The following NMNAT1 variants were observed in gnomAD, a reference collection of about 807,000 sequenced individuals.
NMNAT1 encodes the protein nicotinamide/nicotinic acid mononucleotide adenylyltransferase 1.
Under a neutral mutation model 16.7 loss-of-function variants are expected in NMNAT1, and 11 were observed. The ratio of observed to expected loss-of-function variants is 0.66; its 90% CI spans 0.41 to 1.09. NMNAT1 has a LOEUF of 1.09. Ranked by LOEUF, NMNAT1 falls within the 50% of genes least tolerant of loss-of-function variation. The probability of loss-of-function intolerance (pLI) is 0.00; values close to 1 mark genes in which losing one functional copy is unlikely to be tolerated. For synonymous variants in NMNAT1, 110 were observed against 119.8 expected (o/e 0.92, Z 0.53); for missense variants, 280 against 332.3 (o/e 0.84, Z 1.22).
chr1:9,966,691 C>T (rs888420886), intron 1 of NMNAT1, among the ~76,000 whole-genome samples: 3 of 151,890 alleles, frequency 2.0e-5, no homozygotes, highest in Admixed American at 6.6e-5. Context: ...ATTTTTTTAA[C>T]TTGTTGAAAA....
chr1:9,972,344 A>G, intron 2 of NMNAT1, 156 bp downstream of exon 2: 1 of 548,766 alleles, frequency 1.8e-6, no homozygotes, highest in South Asian at 2.1e-5. Context: ...CCCTGTCTCT[A>G]CTAAAAAATA....
chr1:9,988,644 CA>C (rs1426036939), downstream of NMNAT1, among the ~76,000 whole-genome samples: 1 of 129,640 alleles, frequency 7.7e-6, no homozygotes, highest in Non-Finnish European at 1.5e-5. Flanking sequence ...GCAGAGGTTA[CA>C]GTGAGCCAAG....
At chr1:9,965,490 G>C (rs938388840) in intron 1 of NMNAT1, among the ~76,000 whole-genome samples, 68 of 151,708 alleles carry the variant, frequency 4.5e-4, no homozygotes, top group Non-Finnish European at 3.1e-4. Flanking sequence ...TGCAACCCCT[G>C]CCTGCCAGGT....
the NMNAT1 span, among the ~76,000 whole-genome samples, chr1:9,996,838 C>A: frequency 2.0e-5 from 3 of 152,304 alleles, no homozygotes; most frequent in East Asian, 5.8e-4. Flanking sequence ...CCAGCAATCA[C>A]TTCTCTCAGG....
the NMNAT1 span, among the ~76,000 whole-genome samples, chr1:9,990,518 G>T: frequency 1.1e-4 from 16 of 152,278 alleles, no homozygotes; most frequent in African/African-American, 3.8e-4. Context: ...CTGATCACTG[G>T]CTAAGCTAAT....
At chr1:9,963,593 TA>T (rs1641475168) in intron 1 of NMNAT1, among the ~76,000 whole-genome samples, 1 of 151,844 alleles carries the variant, frequency 6.6e-6, no homozygotes, top group Non-Finnish European at 1.5e-5. Context: ...TATTTTTTAG[TA>T]GAGACGGTTT....
At chr1:9,954,670 T>C (rs906015631) in intron 1 of NMNAT1, among the ~76,000 whole-genome samples, 1 of 152,062 alleles carries the variant, frequency 6.6e-6, no homozygotes, top group East Asian at 1.9e-4. Flanking sequence ...TGGTGGCTCA[T>C]GCCTGTAATT....
At chr1:9,987,748 G>A (rs1041672992), downstream of NMNAT1, among the ~76,000 whole-genome samples, 1 of 151,968 alleles carries the variant, frequency 6.6e-6, no homozygotes, top group Admixed American at 6.6e-5. Flanking sequence ...AAGATTGCTT[G>A]AGCCTGGGAT....
chr1:9,953,959 T>C (rs926371139), intron 1 of NMNAT1, among the ~76,000 whole-genome samples: 1 of 150,578 alleles, frequency 6.6e-6, no homozygotes, highest in South Asian at 2.1e-4. Flanking sequence ...GCACGTGCCA[T>C]CATGCCCAGC....
chr1:9,965,518 C>T (rs1011496998), intron 1 of NMNAT1, among the ~76,000 whole-genome samples: 4 of 151,786 alleles, frequency 2.6e-5, no homozygotes, highest in Admixed American at 6.6e-5. Context: ...ATTCTCCTGC[C>T]TCAGCCTCCC....
chr1:9,982,152 C>G, intron 4 of NMNAT1, 149 bp from the exon 5 acceptor site: 1 of 1,032,228 alleles, frequency 9.7e-7, no homozygotes, highest in South Asian at 1.7e-5. Context: ...CTAGAGCCAC[C>G]GCACTCGGCC....
intron 1 of NMNAT1, among the ~76,000 whole-genome samples, chr1:9,962,676 G>GT (rs1468328207): frequency 3.5e-5 from 3 of 86,490 alleles, no homozygotes; most frequent in East Asian, 3.3e-4. Flanking sequence ...ACCAAATAAG[G>GT]GTTTTTTTTT....
chr1:9,981,239 TA>T, intron 4 of NMNAT1, 69 bp downstream of exon 4: 1 of 1,554,156 alleles, frequency 6.4e-7, no homozygotes, highest in Non-Finnish European at 8.7e-7. Flanking sequence ...AACCCCTGTG[TA>T]TTTTTTTTTT....
chr1:9,952,140 A>C (rs1276534397), intron 1 of NMNAT1, among the ~76,000 whole-genome samples: 8 of 152,020 alleles, frequency 5.3e-5, no homozygotes, highest in African/African-American at 1.9e-4. Flanking sequence ...CTACTAAAAA[A>C]AAATACAAAA....
In NMNAT1 at chr1:9,982,653, G is replaced by A. The variant is rs761335897; in HGVS notation, c.792G>A (p.Gly264=). ...CTGAGAGTGAAGACAGGAATGCTGG[G>A]GTCATCCTGGCCCCTTTGCAGAGAA... The part of the protein sequence containing the change: ...YSSESEDRNA[G]VILAPLQRNT... Residue 264 remains glycine (G), a synonymous_variant, in exon 5 of 5, where the codon GGG becomes GGA. Transcript: ENST00000377205. 7 of 1,613,854 alleles carry A rather than the reference G, an allele frequency of 4.3e-6. No homozygotes were observed. The African/African-American group carries it at 8.0e-5, about 18-fold the overall frequency.
chr1:9,984,928 T>A lies in NMNAT1; in HGVS notation c.*2227T>A, dbSNP rs1215549908. ...AAAGAATGCTTTTTTTTGGCCATCA[T>A]GAGGATCTAACAACAGAGTAGAAGG... On this transcript the variant is annotated 3_prime_UTR_variant, in exon 5 of 5. Transcript: ENST00000377205. 1.3e-5 allele frequency: 2 copies of A among 152,244 alleles called. No individual in the cohort carries two copies. The highest frequency in any genetic ancestry group is 2.1e-4 in the South Asian group (1 of 4,826). 9.4% of individuals were successfully genotyped at this position (152,244 alleles called of 1,614,324 possible). A position where few individuals can be genotyped will look rare whatever the true frequency, so the allele number is the denominator to read the frequency against.
chr1:9,967,670 TA>T (rs35138168), intron 1 of NMNAT1, among the ~76,000 whole-genome samples: 3 of 150,100 alleles, frequency 2.0e-5, no homozygotes, highest in Non-Finnish European at 3.0e-5. Context: ...TTTTGTTGAT[TA>T]AAAAAAAAAT....
At chr1:9,951,477 G>GT (rs1553124461) in intron 1 of NMNAT1, among the ~76,000 whole-genome samples, 2,549 of 151,214 alleles carry the variant, frequency 0.017, 61 homozygotes, top group East Asian at 0.095. Flanking sequence ...TGTTGTTGTT[G>GT]TTGTTTGTTT....
At chr1:9,989,940 A>G (rs1642089446), downstream of NMNAT1, among the ~76,000 whole-genome samples, 3 of 152,160 alleles carry the variant, frequency 2.0e-5, no homozygotes, top group African/African-American at 4.8e-5. Flanking sequence ...TCAGGTGCCC[A>G]AAAGCACTTG....
Sources: allele counts gnomAD v4.1 joint callset (sites outside exome capture counted in the v4.1 genomes callset), GRCh38; gene constraint gnomAD v4.1.1; transcripts MANE v1.5; gene names NCBI Gene and HGNC (gene_info 2026-07-23, HGNC 2026-07-21).